Variants in ADGRL3 observed in about 807,000 individuals in gnomAD.
ADGRL3 encodes adhesion G protein-coupled receptor L3.
Under a neutral mutation model 153.5 loss-of-function variants are expected in ADGRL3, and 62 were observed. The observed-to-expected ratio is 0.40, with a 90% CI of 0.33 to 0.50. The LOEUF is 0.50. Ranked by LOEUF, ADGRL3 falls within the 20% of genes least tolerant of loss-of-function variation. The pLI is 0.47. For synonymous variants in ADGRL3, 710 were observed against 672.5 expected (o/e 1.06, Z -0.86); for missense variants, 1,641 against 1,859.4 (o/e 0.88, Z 2.16).
intron 5 of ADGRL3, among the ~76,000 whole-genome samples, chr4:61,594,601 CT>C (rs1199572631): frequency 2.0e-5 from 3 of 152,250 alleles, no homozygotes; most frequent in South Asian, 4.2e-4. Context: ...TTTCCCCTTA[CT>C]CTCAAACATA....
intron 5 of ADGRL3, among the ~76,000 whole-genome samples, chr4:61,639,356 G>T (rs536525057): frequency 6.6e-6 from 1 of 152,008 alleles, no homozygotes; most frequent in African/African-American, 2.4e-5. Flanking sequence ...ATGAATAAAT[G>T]CCATACCTAT....
chr4:61,611,922 A>AT (rs1026049861), intron 5 of ADGRL3, among the ~76,000 whole-genome samples: 25 of 151,966 alleles, frequency 1.6e-4, no homozygotes, highest in African/African-American at 4.4e-4. Flanking sequence ...GTGTCTAAAA[A>AT]ATATATATAT....
intron 4 of ADGRL3, among the ~76,000 whole-genome samples, chr4:61,539,227 G>C (rs956404997): frequency 1.1e-4 from 17 of 152,232 alleles, no homozygotes; most frequent in Admixed American, 6.5e-5. Context: ...TAGGGGTGCA[G>C]CTGCCGCAAA....
rs2095213104 is a variant in ADGRL3 at position 61,676,893 on chromosome 4, A to G, written c.541A>G (p.Thr181Ala). 1 of 1,611,848 alleles carries G rather than the reference A, an allele frequency of 6.2e-7. No individual in the cohort carries two copies. Among genetic ancestry groups the G allele is most frequent in the Non-Finnish European group, 8.5e-7 (1 of 1,178,468 alleles). ...TGTTTTTCCAGACCCGTGTCCAGGA[A>G]CCTATAAATACCTTGAAGTGCAGTA... ...PDVFPDPCPG[T>A]YKYLEVQYEC... The change falls in exon 6 of 27, where the codon ACC (threonine) becomes GCC (alanine). Residue 181 changes from threonine to alanine, a missense_variant. Transcript: ENST00000683033.
At chr4:61,465,339 C>G (rs1445960907) in intron 2 of ADGRL3, among the ~76,000 whole-genome samples, 1 of 152,038 alleles carries the variant, frequency 6.6e-6, no homozygotes, top group Non-Finnish European at 1.5e-5. Flanking sequence ...GGTAGGCTTT[C>G]ATGAAATATT....
chr4:61,967,538 T>A (rs1016888119), intron 17 of ADGRL3, among the ~76,000 whole-genome samples: 5 of 152,210 alleles, frequency 3.3e-5, no homozygotes, highest in Admixed American at 6.5e-5. Flanking sequence ...CTTTTGATTT[T>A]ACTGTGTAGC....
intron 1 of ADGRL3, among the ~76,000 whole-genome samples, chr4:61,225,019 C>G (rs900355745): frequency 2.6e-5 from 4 of 152,208 alleles, no homozygotes; most frequent in Admixed American, 2.6e-4. Flanking sequence ...TTCTTTTATG[C>G]TTCCTTAATT....
chr4:61,211,211 T>C (rs1309188673), intron 1 of ADGRL3, among the ~76,000 whole-genome samples: 2 of 152,184 alleles, frequency 1.3e-5, no homozygotes, highest in Admixed American at 6.5e-5. Context: ...TATTGGGAAG[T>C]TATTGTGTTT....
chr4:61,729,758 G>A (rs1483397291), intron 6 of ADGRL3, among the ~76,000 whole-genome samples: 5 of 151,792 alleles, frequency 3.3e-5, no homozygotes, highest in African/African-American at 2.4e-5. Flanking sequence ...TTGTGAATAC[G>A]TTAACAATTT....
intron 1 of ADGRL3, among the ~76,000 whole-genome samples, chr4:61,295,991 A>AT (rs1464435993): frequency 1.3e-5 from 2 of 152,142 alleles, no homozygotes; most frequent in Non-Finnish European, 2.9e-5. Flanking sequence ...GCAAGAGCAC[A>AT]GTATGACATT....
At chr4:62,026,044 G>T (rs1019746145) in intron 21 of ADGRL3, among the ~76,000 whole-genome samples, 2 of 151,988 alleles carry the variant, frequency 1.3e-5, no homozygotes, top group South Asian at 4.2e-4. Context: ...ATTATGGAGG[G>T]TACTGACATA....
At chr4:61,819,651 A>G (rs1370715610) in intron 9 of ADGRL3, among the ~76,000 whole-genome samples, 1 of 152,152 alleles carries the variant, frequency 6.6e-6, no homozygotes, top group Non-Finnish European at 1.5e-5. Flanking sequence ...TGAAACAAAA[A>G]CATTTAAAAT....
intron 1 of ADGRL3, among the ~76,000 whole-genome samples, chr4:61,370,495 G>C (rs1303914941): frequency 2.6e-5 from 4 of 152,072 alleles, no homozygotes; most frequent in African/African-American, 9.7e-5. Flanking sequence ...GTACCCAGTA[G>C]TCATTCAGGA....
intron 18 of ADGRL3, among the ~76,000 whole-genome samples, chr4:61,983,083 G>A (rs550862462): frequency 1.3e-4 from 20 of 151,950 alleles, no homozygotes; most frequent in Non-Finnish European, 2.5e-4. Flanking sequence ...AAATATTTAC[G>A]CTAATATCAG....
At chr4:61,346,052 T>G (rs1054620274) in intron 1 of ADGRL3, among the ~76,000 whole-genome samples, 9 of 152,172 alleles carry the variant, frequency 5.9e-5, no homozygotes, top group African/African-American at 2.2e-4. Flanking sequence ...TCACGGCATG[T>G]ATAATTAATA....
intron 17 of ADGRL3, among the ~76,000 whole-genome samples, chr4:61,967,291 TGTA>T (rs1031978087): frequency 2.0e-5 from 3 of 152,156 alleles, no homozygotes; most frequent in Non-Finnish European, 4.4e-5. Context: ...GTAGATACAA[TGTA>T]GTAATTAAAC....
At chr4:61,926,324 A>G (rs942264829) in intron 13 of ADGRL3, among the ~76,000 whole-genome samples, 31 of 152,154 alleles carry the variant, frequency 2.0e-4, no homozygotes, top group African/African-American at 7.2e-4. Context: ...CCACCCACAC[A>G]TATACTTTTA....
At chr4:61,510,373 G>A (rs2098457098) in intron 3 of ADGRL3, among the ~76,000 whole-genome samples, 1 of 152,076 alleles carries the variant, frequency 6.6e-6, no homozygotes, top group Non-Finnish European at 1.5e-5. Flanking sequence ...TTGCTTGTAG[G>A]ATTTTTATAG....
chr4:61,433,204 A>G (rs373794517), intron 2 of ADGRL3, among the ~76,000 whole-genome samples: 1 of 152,100 alleles, frequency 6.6e-6, no homozygotes, highest in African/African-American at 2.4e-5. Context: ...ATTGCTTGTC[A>G]CTTAGAATGA....
Sources: gnomAD v4.1 joint callset for allele counts (sites outside exome capture counted in the v4.1 genomes callset) on GRCh38, gnomAD v4.1.1 for gene constraint, MANE v1.5 for transcripts, NCBI Gene and HGNC (gene_info 2026-07-23, HGNC 2026-07-21) for gene names.